Variants in FAT3 observed in about 807,000 individuals in gnomAD.
FAT3 encodes the protein FAT atypical cadherin 3, also known as protocadherin Fat 3.
Under a neutral mutation model 310.2 loss-of-function variants are expected in FAT3, and 95 were observed. That is an observed-to-expected ratio of 0.31 (90% CI 0.26 to 0.36). FAT3 has a LOEUF of 0.36. FAT3 is among the 10% of genes least tolerant of loss of function. The pLI is 1.00. For synonymous variants in FAT3, 2,314 were observed against 2,192.9 expected (o/e 1.06, Z -1.54); for missense variants, 5,408 against 5,715.6 (o/e 0.95, Z 1.74).
intron 19 of FAT3, among the ~76,000 whole-genome samples, chr11:92,845,731 CA>C (rs1948668058): frequency 6.6e-6 from 1 of 152,166 alleles, no homozygotes; most frequent in Non-Finnish European, 1.5e-5. Flanking sequence ...CCAAAGGGAC[CA>C]TGGCCAGAGG....
intron 3 of FAT3, among the ~76,000 whole-genome samples, chr11:92,544,130 G>C (rs1307476436): frequency 6.6e-6 from 1 of 152,022 alleles, no homozygotes; most frequent in Non-Finnish European, 1.5e-5. Context: ...TCAAATTATT[G>C]GTTCTGTTTT....
chr11:92,647,699 A>T (rs1211935408), intron 3 of FAT3, among the ~76,000 whole-genome samples: 4 of 152,146 alleles, frequency 2.6e-5, no homozygotes, highest in African/African-American at 9.7e-5. Flanking sequence ...ATGAGCTTAT[A>T]GTTTTGCAAC....
At chr11:92,486,956 G>A (rs1181785847) in intron 2 of FAT3, among the ~76,000 whole-genome samples, 2 of 152,156 alleles carry the variant, frequency 1.3e-5, no homozygotes, top group African/African-American at 4.8e-5. Flanking sequence ...GCCTAACCCT[G>A]ATTGGATAAG....
rs182297723 is a variant in FAT3 at position 92,627,189 on chromosome 11, G to A, written c.3608-70195G>A. ...ATGTTAATATTAATGAATGTTCGTC[G>A]CTGATTAATAAGAGGGAGACCTCTT... On this transcript the variant is annotated intron_variant, in intron 3 of 27. Coordinates refer to ENST00000525166, the MANE Select transcript of FAT3 (RefSeq NM_001367949.2). Among the ~76,000 whole-genome samples the A allele has an allele frequency of 5.0e-3, 764 of 152,054 alleles. 4 individuals are homozygous for A. The highest frequency in any genetic ancestry group is 8.4e-3 in the Non-Finnish European group (568 of 68,012).
intron 13 of FAT3, among the ~76,000 whole-genome samples, chr11:92,813,225 C>A (rs973055285): frequency 6.6e-6 from 1 of 152,102 alleles, no homozygotes; most frequent in African/African-American, 2.4e-5. Flanking sequence ...ACCTCCTGAC[C>A]TCGTTTGCAG....
At chr11:92,419,020 T>C (rs1164238672) in intron 2 of FAT3, among the ~76,000 whole-genome samples, 1 of 152,116 alleles carries the variant, frequency 6.6e-6, no homozygotes, top group African/African-American at 2.4e-5. Flanking sequence ...AAAAGAGTTT[T>C]CAAAAGGAAC....
chr11:92,525,186 G>A (rs1953816916), intron 3 of FAT3, among the ~76,000 whole-genome samples: 1 of 152,108 alleles, frequency 6.6e-6, no homozygotes, highest in Non-Finnish European at 1.5e-5. Context: ...CCTTAGATTT[G>A]CTTTACTCAT....
At chr11:92,594,997 ATGTGTG>A (rs56275316) in intron 3 of FAT3, among the ~76,000 whole-genome samples, 61 of 149,340 alleles carry the variant, frequency 4.1e-4, no homozygotes, top group African/African-American at 1.0e-3. Flanking sequence ...TCATGAATAA[ATGTGTG>A]TGTGTGTGTG....
At chr11:92,737,603 A>G (rs1226971353) in intron 4 of FAT3, among the ~76,000 whole-genome samples, 1 of 152,080 alleles carries the variant, frequency 6.6e-6, no homozygotes, top group Non-Finnish European at 1.5e-5. Flanking sequence ...AGTCATGAGG[A>G]TTATAAAAAT....
In FAT3 at chr11:92,801,189, A is replaced by G; in HGVS notation, c.8176A>G (p.Thr2726Ala). Residue 2726 changes from threonine to alanine, a missense_variant, in exon 10 of 28, where the codon ACA becomes GCA. By Grantham distance (58) the Thr-to-Ala change is moderately conservative (BLOSUM62 0). Coordinates refer to ENST00000525166, the MANE Select transcript of FAT3 (RefSeq NM_001367949.2). ...TIAEDTAIGSTVDTLRILPSQ... is the reference protein window; with the variant it reads ...TIAEDTAIGSAVDTLRILPSQ... ...TGCAGAAGATACAGCCATTGGGAGT[A>G]CAGTGGACACCCTGAGGATTTTGCC... The G allele has an allele frequency of 6.2e-7, 1 of 1,613,878 alleles. No homozygotes were observed. Among genetic ancestry groups the G allele is most frequent in the Non-Finnish European group, 8.5e-7 (1 of 1,179,860 alleles).
intron 13 of FAT3, among the ~76,000 whole-genome samples, chr11:92,831,002 G>A (rs760304591): frequency 6.6e-6 from 1 of 152,100 alleles, no homozygotes; most frequent in Non-Finnish European, 1.5e-5. Flanking sequence ...TGCTGTAGGA[G>A]GCTGCTGACT....
intron 1 of FAT3, among the ~76,000 whole-genome samples, chr11:92,271,299 T>C (rs1946116451): frequency 6.6e-6 from 1 of 152,106 alleles, no homozygotes; most frequent in East Asian, 1.9e-4. Context: ...ACACTGGCCT[T>C]CCCTCTGGAC....
At chr11:92,609,516 T>G (rs541343543) in intron 3 of FAT3, among the ~76,000 whole-genome samples, 1 of 152,334 alleles carries the variant, frequency 6.6e-6, no homozygotes, top group Non-Finnish European at 1.5e-5. Context: ...TTTGAATTTA[T>G]GAAAAACAAG....
intron 4 of FAT3, among the ~76,000 whole-genome samples, chr11:92,698,419 T>C (rs1156231539): frequency 6.6e-6 from 1 of 152,210 alleles, no homozygotes; most frequent in Non-Finnish European, 1.5e-5. Context: ...GAAGCTGCCC[T>C]GCTGTGAATA....
chr11:92,605,143 C>T (rs1225611508), intron 3 of FAT3, among the ~76,000 whole-genome samples: 1 of 152,202 alleles, frequency 6.6e-6, no homozygotes, highest in East Asian at 1.9e-4. Flanking sequence ...GACTTCCTAC[C>T]AGGCAGGAGC....
chr11:92,508,846 T>C (rs1953198331), intron 2 of FAT3, among the ~76,000 whole-genome samples: 1 of 152,200 alleles, frequency 6.6e-6, no homozygotes, highest in African/African-American at 2.4e-5. Flanking sequence ...GTATGGCTAA[T>C]ATCTGACAGC....
At chr11:92,430,757 G>A (rs1257061255) in intron 2 of FAT3, among the ~76,000 whole-genome samples, 2 of 77,080 alleles carry the variant, frequency 2.6e-5, no homozygotes, top group Non-Finnish European at 3.9e-5. Context: ...GAGAACATGC[G>A]ATGTTTGGTT....
chr11:92,346,566 T>A (rs1948428302), intron 1 of FAT3, among the ~76,000 whole-genome samples: 1 of 152,228 alleles, frequency 6.6e-6, no homozygotes, highest in East Asian at 1.9e-4. Flanking sequence ...TCGTTTTTTG[T>A]TTTGTATCCC....
chr11:92,751,120 G>A lies in FAT3; in HGVS notation c.3670-10736G>A, dbSNP rs139224376. On this transcript the variant is annotated intron_variant, in intron 4 of 27. Coordinates refer to ENST00000525166, the MANE Select transcript of FAT3 (RefSeq NM_001367949.2). The stretch of plus-strand genomic sequence containing the variant: ...CAGGGAAAGGACATGTTTGAACTGT[G>A]TTCAGAGGAAAGAAAAGGTGGCCAT... 5.2e-3 allele frequency among the ~76,000 whole-genome samples: 792 copies of A among 152,284 alleles called. 7 individuals are homozygous for A. The highest frequency in any genetic ancestry group is 0.018 in the African/African-American group (744 of 41,556).
Sources: gnomAD v4.1 joint callset for allele counts (sites outside exome capture counted in the v4.1 genomes callset) on GRCh38, gnomAD v4.1.1 for gene constraint, MANE v1.5 for transcripts, NCBI Gene and HGNC (gene_info 2026-07-23, HGNC 2026-07-21) for gene names.